Variants in ROS1 observed in about 807,000 individuals in gnomAD.
ROS1 encodes proto-oncogene tyrosine-protein kinase ROS.
ROS1 carries 263 observed loss-of-function variants against 273.5 expected under a neutral mutation model. The ratio of observed to expected loss-of-function variants is 0.96; its 90% CI spans 0.87 to 1.06. ROS1 has a LOEUF of 1.06. Among genes scored for constraint, ROS1 ranks in the 50% least tolerant of loss-of-function variants. The pLI is 0.00. For synonymous variants in ROS1, 1,008 were observed against 954.1 expected (o/e 1.06, Z -1.04); for missense variants, 2,833 against 2,751.1 (o/e 1.03, Z -0.67).
At chr6:117,312,087 C>T (rs1036520157) in intron 39 of ROS1, among the ~76,000 whole-genome samples, 1 of 152,106 alleles carries the variant, frequency 6.6e-6, no homozygotes, top group African/African-American at 2.4e-5. Context: ...CTATTAATTT[C>T]CTACTGTTTC....
chr6:117,341,123 TTAAAAGTC>T lies in ROS1; in HGVS notation c.5061+4_5061+11del. The stretch of plus-strand genomic sequence containing the variant: ...CTATATCATAAAATAAAGACTTGCA[TTAAAAGTC>T]TACCTTCTGTAGCTCAACCCAAAAT... On this transcript the variant is annotated splice_donor_5th_base_variant and intron_variant, in intron 31 of 43. Coordinates refer to ENST00000368507, the MANE Select transcript of ROS1 (RefSeq NM_001378902.1). 2 of 1,572,480 alleles carry T rather than the reference TTAAAAGTC, an allele frequency of 1.3e-6. No individual in the cohort carries two copies. The highest frequency in any genetic ancestry group is 1.7e-6 in the Non-Finnish European group (2 of 1,155,288).
Position 117,356,653 on chromosome 6 carries a change from C to T in ROS1, c.4102G>A (p.Val1368Ile). ...MDLEGCQCWRVITVPAMLGKT... is the reference protein window; with the variant it reads ...MDLEGCQCWRIITVPAMLGKT... ...CCGAGCATAGCAGGTACTGTGATAA[C>T]TCTCCAACACTGACAGCCTTCCAGA... Residue 1368 changes from valine to isoleucine, a missense_variant, in exon 26 of 44, where the codon GTT becomes ATT. Val to Ile is a conservative substitution (Grantham distance 29). Coordinates refer to ENST00000368507, the MANE Select transcript of ROS1 (RefSeq NM_001378902.1). 1 of 1,613,632 alleles carries T rather than the reference C, an allele frequency of 6.2e-7. No individual in the cohort carries two copies. Among genetic ancestry groups the T allele is most frequent in the Non-Finnish European group, 8.5e-7 (1 of 1,179,670 alleles).
chr6:117,357,825 A>AAAGAAATT lies in ROS1; in HGVS notation c.3810_3817dup (p.Phe1273Ter), dbSNP rs751309238. ...ATACCTTAAAAGAGGATATACAGAAAAAGAAATTATTGTTGAATTCCTATT... is the reference window on the plus strand; with the variant it reads ...ATACCTTAAAAGAGGATATACAGAAAAAGAAATTAAGAAATTATTGTTGAATTCCTATT... On this transcript the variant is annotated stop_gained and frameshift_variant, in exon 25 of 44. Coordinates refer to ENST00000368507, the MANE Select transcript of ROS1 (RefSeq NM_001378902.1). LOFTEE classifies it high-confidence loss of function. 1.8e-5 allele frequency: 29 copies of AAAGAAATT among 1,611,054 alleles called. No individual in the cohort carries two copies. In the African/African-American group the frequency reaches 3.5e-4, roughly 19 times the overall value.
At chr6:117,394,843 G>T in intron 9 of ROS1, 105 bp from the exon 10 acceptor site, 1 of 1,005,244 alleles carries the variant, frequency 9.9e-7, no homozygotes, top group Non-Finnish European at 1.4e-6. Context: ...ACTAGTGCTT[G>T]AAAGAGGCTG....
chr6:117,376,510 A>C (rs1253823962), intron 18 of ROS1, among the ~76,000 whole-genome samples: 3 of 152,074 alleles, frequency 2.0e-5, no homozygotes, highest in African/African-American at 7.2e-5. Flanking sequence ...GACTACTATA[A>C]CTCTTACTAA....
intron 16 of ROS1, among the ~76,000 whole-genome samples, chr6:117,384,107 G>T (rs1465205298): frequency 6.6e-6 from 1 of 151,994 alleles, no homozygotes; most frequent in Non-Finnish European, 1.5e-5. Context: ...ACTTAAAACT[G>T]GTTTTTATGT....
chr6:117,364,111 G>A (rs1055995798), intron 21 of ROS1, among the ~76,000 whole-genome samples: 9 of 152,086 alleles, frequency 5.9e-5, no homozygotes, highest in African/African-American at 2.2e-4. Context: ...ATTCAACCAA[G>A]CTGATATCCC....
chr6:117,354,099 C>T (rs1779094972), intron 26 of ROS1, among the ~76,000 whole-genome samples: 1 of 152,118 alleles, frequency 6.6e-6, no homozygotes, highest in Non-Finnish European at 1.5e-5. Context: ...GCCTGTAATC[C>T]CAGCACTTTG....
intron 18 of ROS1, among the ~76,000 whole-genome samples, chr6:117,369,466 C>G (rs548149511): frequency 6.6e-6 from 1 of 151,988 alleles, no homozygotes; most frequent in South Asian, 2.1e-4. Context: ...CCCAGCTACT[C>G]AGGAGGCTGA....
chr6:117,348,056 T>C (rs930276957), intron 27 of ROS1, among the ~76,000 whole-genome samples: 1 of 152,066 alleles, frequency 6.6e-6, no homozygotes, highest in Non-Finnish European at 1.5e-5. Flanking sequence ...TATATTTGTC[T>C]AGTTTTGGTT....
At chr6:117,404,818 C>G (rs542245804) in intron 5 of ROS1, among the ~76,000 whole-genome samples, 7 of 152,184 alleles carry the variant, frequency 4.6e-5, no homozygotes, top group Non-Finnish European at 7.3e-5. Flanking sequence ...ATGTGTACCC[C>G]AATATATTTC....
At chr6:117,315,803 G>A (rs1004915345) in intron 39 of ROS1, among the ~76,000 whole-genome samples, 2 of 152,100 alleles carry the variant, frequency 1.3e-5, no homozygotes, top group African/African-American at 4.8e-5. Flanking sequence ...CAGCAGCTGT[G>A]TAGCTAGCCT....
chr6:117,302,768 G>C (rs3798369), intron 42 of ROS1, among the ~76,000 whole-genome samples: 45,296 of 152,042 alleles, frequency 0.3, 7,489 homozygotes, highest in East Asian at 0.43. Flanking sequence ...CTACCTTCTT[G>C]ACAATGCTGG....
chr6:117,300,086 C>CTTTTTTTTTTTTT lies in ROS1; in HGVS notation c.6715+875_6715+887dup, dbSNP rs10700318. Among the ~76,000 whole-genome samples, 30 of 31,836 alleles carry CTTTTTTTTTTTTT rather than the reference C, an allele frequency of 9.4e-4. 1 individual carries two copies. Among genetic ancestry groups the CTTTTTTTTTTTTT allele is most frequent in the Non-Finnish European group, 1.3e-3 (24 of 18,802 alleles). The allele number at this position is 31,836 out of a possible 152,430, so 20.9% of individuals were successfully genotyped here. A position where few individuals can be genotyped will look rare whatever the true frequency, so the allele number is the denominator to read the frequency against. On this transcript the variant is annotated intron_variant, in intron 43 of 43. Coordinates refer to ENST00000368507, the MANE Select transcript of ROS1 (RefSeq NM_001378902.1). ...TACAGGCGCCCGCCACCAGGACAGGCTTTTTTTTTTTTTTTTTTTTTTTTT... is the reference window on the plus strand; with the variant it reads ...TACAGGCGCCCGCCACCAGGACAGGCTTTTTTTTTTTTTTTTTTTTTTTTTTTTTTTTTTTTTT...
At chr6:117,317,574 A>T (rs1776006695) in intron 38 of ROS1, among the ~76,000 whole-genome samples, 1 of 152,272 alleles carries the variant, frequency 6.6e-6, no homozygotes, top group East Asian at 1.9e-4. Flanking sequence ...AAAGATATTT[A>T]AAAACATTGG....
At chr6:117,374,099 T>G (rs1327998958) in intron 18 of ROS1, among the ~76,000 whole-genome samples, 1 of 152,134 alleles carries the variant, frequency 6.6e-6, no homozygotes, top group African/African-American at 2.4e-5. Context: ...TAATTCCCAT[T>G]GAAATACCAG....
Position 117,365,713 on chromosome 6 carries a change from A to C in ROS1, c.2826T>G (p.Ile942Met). 3 of 1,601,984 alleles carry C rather than the reference A, an allele frequency of 1.9e-6. No individual in the cohort carries two copies. Among genetic ancestry groups the C allele is most frequent in the Non-Finnish European group, 2.6e-6 (3 of 1,175,822 alleles). Residue 942 changes from isoleucine to methionine, a missense_variant, in exon 20 of 44, where the codon ATT becomes ATG. Physicochemically the swap from Ile to Met is conservative, Grantham distance 10. Coordinates refer to ENST00000368507, the MANE Select transcript of ROS1 (RefSeq NM_001378902.1). The stretch of plus-strand genomic sequence containing the variant: ...ATGAAGACTCTTGAACAGAATCTGG[A>C]ATAACCTTAGGGGTAAAGGAAAAGT... ...PGNFSFTPKV[I>M]PDSVQESSFR...
At chr6:117,315,387 T>C (rs1775846811) in intron 39 of ROS1, among the ~76,000 whole-genome samples, 1 of 152,092 alleles carries the variant, frequency 6.6e-6, no homozygotes, top group Non-Finnish European at 1.5e-5. Context: ...AAGGGAATGA[T>C]TAGCAAAGCA....
intron 3 of ROS1, among the ~76,000 whole-genome samples, chr6:117,414,962 C>T (rs974143023): frequency 2.6e-5 from 4 of 152,154 alleles, no homozygotes; most frequent in Admixed American, 6.5e-5. Context: ...ACACAGCCTC[C>T]TGGATTGTTT....
Sources: gnomAD v4.1 joint callset for allele counts (sites outside exome capture counted in the v4.1 genomes callset) on GRCh38, gnomAD v4.1.1 for gene constraint, MANE v1.5 for transcripts, NCBI Gene and HGNC (gene_info 2026-07-23, HGNC 2026-07-21) for gene names.